Variants in HMCN1 observed in about 807,000 individuals in gnomAD.
HMCN1 encodes the protein hemicentin 1, also known as hemicentin-1.
Under a neutral mutation model 625.9 loss-of-function variants are expected in HMCN1, and 321 were observed. That is an observed-to-expected ratio of 0.51 (90% CI 0.47 to 0.56). The LOEUF is 0.56. Ranked by LOEUF, HMCN1 falls within the 20% of genes least tolerant of loss-of-function variation. The pLI is 0.00. For missense variants in HMCN1, 6,588 were observed against 6,887.3 expected, an observed-to-expected ratio of 0.96 and a Z score of 1.54; for synonymous variants, 2,425 against 2,417.6, an observed-to-expected ratio of 1.00 and a Z score of -0.09.
chr1:186,114,910 G>A lies in HMCN1; in HGVS notation c.11368G>A (p.Gly3790Arg). 1 of 1,614,096 alleles carries A rather than the reference G, an allele frequency of 6.2e-7. No individual in the cohort carries two copies. The highest frequency in any genetic ancestry group is 1.6e-4 in the Middle Eastern group (1 of 6,062). The change falls in exon 74 of 107, where the codon GGA becomes AGA. Residue 3790 changes from glycine to arginine, a missense_variant. Gly to Arg is a moderately radical substitution (Grantham distance 125). Coordinates refer to ENST00000271588, the MANE Select transcript of HMCN1 (RefSeq NM_031935.3). ...RYLCMATNAA[G>R]TDRRRIDLQV... is the part of the protein sequence containing the mutation. The stretch of plus-strand genomic sequence containing the variant: ...TTTGTGTATGGCCACCAATGCTGCT[G>A]GAACAGATCGCAGGCGAATAGATTT...
intron 1 of HMCN1, among the ~76,000 whole-genome samples, chr1:185,826,865 A>T (rs1660545481): frequency 6.6e-6 from 1 of 152,074 alleles, no homozygotes; most frequent in Non-Finnish European, 1.5e-5. Context: ...GTACAGAAAA[A>T]ACTCACCAGT....
chr1:185,837,091 C>G (rs1451253185), intron 1 of HMCN1, among the ~76,000 whole-genome samples: 1 of 150,256 alleles, frequency 6.7e-6, no homozygotes, highest in Non-Finnish European at 1.5e-5. Context: ...ATCCAGTCTA[C>G]TGTTGATGGG....
chr1:185,942,986 C>T (rs1037502017), intron 11 of HMCN1, among the ~76,000 whole-genome samples: 2 of 151,990 alleles, frequency 1.3e-5, no homozygotes, highest in East Asian at 3.9e-4. Context: ...TACTCACATA[C>T]CACTCAATAC....
At chr1:185,808,007 TA>T (rs1391614278) in intron 1 of HMCN1, among the ~76,000 whole-genome samples, 1 of 152,108 alleles carries the variant, frequency 6.6e-6, no homozygotes, top group Non-Finnish European at 1.5e-5. Context: ...TTAAAATAAT[TA>T]ACTTAAAAGT....
chr1:185,734,472 C>A lies in HMCN1; in HGVS notation c.-308C>A, dbSNP rs1653402568. On this transcript the variant is annotated 5_prime_UTR_variant, in exon 1 of 107. Coordinates refer to ENST00000271588, the MANE Select transcript of HMCN1 (RefSeq NM_031935.3). ...GCGGCGCCGCAGGCTCAGAGCTGCCCCCGGGGCATGGACCCGACGCGCCGC... is the reference window on the plus strand; with the variant it reads ...GCGGCGCCGCAGGCTCAGAGCTGCCACCGGGGCATGGACCCGACGCGCCGC... The A allele has an allele frequency of 2.9e-6, 1 of 346,634 alleles. No homozygotes were observed. The highest frequency in any genetic ancestry group is 4.4e-5 in the South Asian group (1 of 22,904). 21.5% of individuals were successfully genotyped at this position (346,634 alleles called of 1,614,324 possible). A position where few individuals can be genotyped will look rare whatever the true frequency, so the allele number is the denominator to read the frequency against.
At chr1:185,754,842 T>C (rs1036072091) in intron 1 of HMCN1, among the ~76,000 whole-genome samples, 2 of 152,102 alleles carry the variant, frequency 1.3e-5, no homozygotes, top group African/African-American at 4.8e-5. Flanking sequence ...AGTGAGACCC[T>C]GTCTCAAAAA....
intron 55 of HMCN1, 145 bp downstream of exon 55, chr1:186,078,365 C>A: frequency 8.8e-6 from 6 of 678,444 alleles, no homozygotes; most frequent in South Asian, 1.7e-5. Context: ...TAATTATCTT[C>A]TACAAATTGA....
intron 2 of HMCN1, among the ~76,000 whole-genome samples, chr1:185,846,840 A>T (rs1411298793): frequency 6.6e-6 from 1 of 152,182 alleles, no homozygotes; most frequent in African/African-American, 2.4e-5. Flanking sequence ...CCTAGTCAGA[A>T]TAGTCCCTTT....
chr1:186,015,732 G>A (rs61829935), intron 31 of HMCN1, among the ~76,000 whole-genome samples: 124 of 152,200 alleles, frequency 8.1e-4, no homozygotes, highest in Non-Finnish European at 1.6e-3. Flanking sequence ...TCTACTATTT[G>A]TCCTTTATAA....
intron 105 of HMCN1, among the ~76,000 whole-genome samples, chr1:186,184,652 T>C (rs1386865590): frequency 7.1e-6 from 1 of 140,236 alleles, no homozygotes; most frequent in Non-Finnish European, 1.6e-5. Context: ...ATAATGTTTA[T>C]CAAGAATCTA....
At chr1:186,124,214 G>A (rs1661534236) in intron 81 of HMCN1, among the ~76,000 whole-genome samples, 1 of 151,972 alleles carries the variant, frequency 6.6e-6, no homozygotes, top group Non-Finnish European at 1.5e-5. Flanking sequence ...ATGCAACAAA[G>A]CTAGAAATTT....
chr1:186,125,788 T>C lies in HMCN1; in HGVS notation c.12684T>C (p.Asn4228=). 3.1e-6 allele frequency: 5 copies of C among 1,612,500 alleles called. No homozygotes were observed. Among genetic ancestry groups the C allele is most frequent in the Non-Finnish European group, 4.2e-6 (5 of 1,178,802 alleles). ...AEPYGELILE[N]VVLEDSGFYT... ...CATATGGAGAACTCATTTTAGAAAA[T>C]GTTGTGGTAAGTTTAATGGACGTGA... is the stretch of plus-strand genomic sequence containing the variant. The change falls in exon 82 of 107, where the codon AAT becomes AAC. Residue 4228 remains asparagine, a synonymous_variant. Coordinates refer to ENST00000271588, the MANE Select transcript of HMCN1 (RefSeq NM_031935.3).
At chr1:185,870,311 G>T (rs572221167) in intron 4 of HMCN1, among the ~76,000 whole-genome samples, 1 of 152,098 alleles carries the variant, frequency 6.6e-6, no homozygotes, top group South Asian at 2.1e-4. Flanking sequence ...TCCTTTTGGT[G>T]TAAGAAAAAG....
intron 2 of HMCN1, among the ~76,000 whole-genome samples, chr1:185,859,310 A>T (rs558083550): frequency 1.3e-5 from 2 of 152,316 alleles, no homozygotes; most frequent in South Asian, 4.1e-4. Context: ...CAACAACCTT[A>T]CAATTAACAG....
intron 2 of HMCN1, among the ~76,000 whole-genome samples, chr1:185,847,874 G>T (rs1161061371): frequency 6.6e-6 from 1 of 151,912 alleles, no homozygotes; most frequent in African/African-American, 2.4e-5. Flanking sequence ...GATCACTTGA[G>T]CCCAGGAGTT....
intron 100 of HMCN1, 86 bp downstream of exon 100, chr1:186,167,028 A>G (rs1553308815): frequency 1.3e-6 from 2 of 1,538,568 alleles, no homozygotes; most frequent in African/African-American, 1.4e-5. Context: ...ACTGTCTCAG[A>G]AACTCCACGA....
At chr1:186,045,552 A>C (rs1193779651) in intron 40 of HMCN1, 136 bp from the exon 41 acceptor site, 1 of 708,726 alleles carries the variant, frequency 1.4e-6, no homozygotes, top group Non-Finnish European at 2.5e-6. Context: ...AGTGATGCAA[A>C]GTGATGTTAG....
At chr1:186,116,246 T>C (rs999530807) in intron 75 of HMCN1, among the ~76,000 whole-genome samples, 3 of 152,148 alleles carry the variant, frequency 2.0e-5, no homozygotes, top group African/African-American at 4.8e-5. Flanking sequence ...ATATGTTTTA[T>C]TAATGTTTTT....
intron 85 of HMCN1, 133 bp from the exon 86 acceptor site, chr1:186,132,195 T>C (rs375004260): frequency 1.4e-6 from 1 of 719,394 alleles, no homozygotes; most frequent in Non-Finnish European, 2.5e-6. Context: ...GTTAGACATA[T>C]GTAGGTTTTC....
Sources: gnomAD v4.1 joint callset for allele counts (sites outside exome capture counted in the v4.1 genomes callset) on GRCh38, gnomAD v4.1.1 for gene constraint, MANE v1.5 for transcripts, NCBI Gene and HGNC (gene_info 2026-07-23, HGNC 2026-07-21) for gene names.